HYAL4: variants seen among roughly 807,000 people sequenced by gnomAD.
HYAL4 encodes hyaluronidase-4.
Under a neutral mutation model 35.2 loss-of-function variants are expected in HYAL4, and 37 were observed. The observed-to-expected ratio is 1.05, with a 90% CI of 0.81 to 1.38. The LOEUF (loss-of-function observed/expected upper bound fraction) is 1.38, where lower values mean the gene tolerates loss of function less well. Ranked by LOEUF, HYAL4 falls within the 40% of genes most tolerant of loss-of-function variation. The probability of loss-of-function intolerance (pLI) is 0.00; values close to 1 mark genes in which losing one functional copy is unlikely to be tolerated. For missense variants in HYAL4, 572 were observed against 572.4 expected (o/e 1.00, Z 0.01); for synonymous variants, 198 against 203.2 (o/e 0.97, Z 0.22).
At chr7:123,795,142 C>A in the HYAL4 span, among the ~76,000 whole-genome samples, 6 of 152,198 alleles carry the variant, frequency 3.9e-5, no homozygotes, top group Non-Finnish European at 8.8e-5. Context: ...AGCCTGTAAC[C>A]CCTTAGTTTT....
the HYAL4 span, among the ~76,000 whole-genome samples, chr7:123,777,810 G>A: frequency 6.6e-6 from 1 of 151,854 alleles, no homozygotes; most frequent in Admixed American, 6.6e-5. Context: ...ATGTGCTAAT[G>A]AATAACAGAA....
chr7:123,875,656 CAAAAAAA>C (rs1167401861), intron 4 of HYAL4, among the ~76,000 whole-genome samples: 1 of 62,726 alleles, frequency 1.6e-5, no homozygotes, highest in African/African-American at 6.2e-5. Flanking sequence ...GACTCCATCT[CAAAAAAA>C]AAAAAAAAAG....
intron 2 of HYAL4, among the ~76,000 whole-genome samples, chr7:123,854,697 G>C (rs1806390140): frequency 6.6e-6 from 1 of 152,174 alleles, no homozygotes; most frequent in Admixed American, 6.5e-5. Flanking sequence ...TGTATATTCT[G>C]TTGATTTTGG....
At position 123,832,479 on chromosome 7, in the gene HYAL4, C is replaced by CTTTTTTTTTTT. The variant is rs71163703; in HGVS notation, c.-257+3383_-257+3393dup. 2.4e-3 allele frequency among the ~76,000 whole-genome samples: 52 copies of CTTTTTTTTTTT among 21,838 alleles called. 17 individuals carry two copies. Among genetic ancestry groups the CTTTTTTTTTTT allele is most frequent in the Admixed American group, 3.8e-3 (5 of 1,316 alleles). The allele number at this position is 21,838 out of a possible 152,430, so 14.3% of individuals were successfully genotyped here. ...AGTCCCCAAAGTCTATTGTGTCATA[C>CTTTTTTTTTTT]TTTTTTTTTTTTTTTTTTTTTTTTT... On this transcript the variant is annotated intron_variant, in intron 1 of 4. Coordinates refer to the HYAL4 transcript ENST00000489978.
chr7:123,825,046 A>G (rs1805781618), upstream of HYAL4, among the ~76,000 whole-genome samples: 1 of 152,024 alleles, frequency 6.6e-6, no homozygotes, highest in South Asian at 2.1e-4. Flanking sequence ...AGATGGGTAA[A>G]TGTCTCTAAC....
At chr7:123,778,989 A>G in the HYAL4 span, among the ~76,000 whole-genome samples, 1 of 152,186 alleles carries the variant, frequency 6.6e-6, no homozygotes. Flanking sequence ...TAAAAATGTA[A>G]AACAATGCCA....
At chr7:123,828,399 C>T (rs1254062736), upstream of HYAL4, among the ~76,000 whole-genome samples, 21 of 148,666 alleles carry the variant, frequency 1.4e-4, no homozygotes. Context: ...TTAAAAAGCA[C>T]AAAATAATAC....
chr7:123,849,891 A>G (rs780327966), intron 2 of HYAL4, among the ~76,000 whole-genome samples: 3 of 152,080 alleles, frequency 2.0e-5, no homozygotes, highest in Non-Finnish European at 2.9e-5. Context: ...TTGATTCTCT[A>G]TTTCACCTGT....
intron 3 of HYAL4, among the ~76,000 whole-genome samples, chr7:123,873,826 A>G (rs1043808267): frequency 4.6e-5 from 7 of 152,208 alleles, no homozygotes; most frequent in African/African-American, 1.7e-4. Flanking sequence ...TCTTAACCAT[A>G]TTGCAGAAAA....
At chr7:123,789,344 G>A in the HYAL4 span, among the ~76,000 whole-genome samples, 1 of 152,172 alleles carries the variant, frequency 6.6e-6, no homozygotes, top group Non-Finnish European at 1.5e-5. Context: ...AAGGGTCATT[G>A]AACTATGCCT....
At chr7:123,840,450 G>A (rs1247082926), upstream of HYAL4, among the ~76,000 whole-genome samples, 7 of 152,040 alleles carry the variant, frequency 4.6e-5, no homozygotes, top group Non-Finnish European at 1.0e-4. Context: ...TTTTTGCTTA[G>A]GATTGTCTTG....
the HYAL4 span, among the ~76,000 whole-genome samples, chr7:123,820,042 C>A: frequency 2.0e-5 from 3 of 151,874 alleles, no homozygotes; most frequent in East Asian, 5.9e-4. Context: ...AGGCATGTGC[C>A]ACCATGTCTG....
At chr7:123,803,968 C>G in the HYAL4 span, among the ~76,000 whole-genome samples, 1 of 152,174 alleles carries the variant, frequency 6.6e-6, no homozygotes, top group Non-Finnish European at 1.5e-5. Flanking sequence ...ACTCACATGG[C>G]ATTCTGGGTA....
the HYAL4 span, among the ~76,000 whole-genome samples, chr7:123,798,895 G>T: frequency 6.6e-6 from 1 of 152,150 alleles, no homozygotes; most frequent in African/African-American, 2.4e-5. Context: ...GTCTAGGGGA[G>T]GGAAATAGGA....
At chr7:123,824,056 AT>A (rs1466407210), upstream of HYAL4, among the ~76,000 whole-genome samples, 4 of 152,304 alleles carry the variant, frequency 2.6e-5, no homozygotes, top group East Asian at 7.7e-4. Context: ...GGATGTCAGC[AT>A]TGTTAAGAAC....
intron 2 of HYAL4, among the ~76,000 whole-genome samples, chr7:123,850,242 AT>A (rs1327575251): frequency 6.6e-6 from 1 of 152,012 alleles, no homozygotes; most frequent in Non-Finnish European, 1.5e-5. Context: ...GAATACTTAG[AT>A]TTTTGTTGCT....
the HYAL4 span, among the ~76,000 whole-genome samples, chr7:123,818,733 T>C: frequency 6.6e-6 from 1 of 152,160 alleles, no homozygotes; most frequent in Admixed American, 6.6e-5. Flanking sequence ...AATTCTGGTA[T>C]GGTCTTTTGT....
Position 123,874,850 on chromosome 7 carries a change from GGTAA to G in HYAL4, c.1044+3_1044+6del. 1 of 1,530,410 alleles carries G rather than the reference GGTAA, an allele frequency of 6.5e-7. No homozygotes were observed. Among genetic ancestry groups the G allele is most frequent in the South Asian group, 1.1e-5 (1 of 89,320 alleles). The allele number at this position is 1,530,410 out of a possible 1,614,324, so 94.8% of individuals were successfully genotyped here. A position where few individuals can be genotyped will look rare whatever the true frequency, so the allele number is the denominator to read the frequency against. The stretch of plus-strand genomic sequence containing the variant: ...GAGACATGAATTTAACTGCATCCAA[GGTAA>G]GTCAGTATCTTGAAGGTATATTTAA... On this transcript the variant is annotated splice_donor_variant and splice_donor_region_variant and intron_variant, in intron 4 of 4. Coordinates refer to ENST00000223026, the MANE Select transcript of HYAL4 (RefSeq NM_012269.3). LOFTEE classifies it high-confidence loss of function.
the HYAL4 span, among the ~76,000 whole-genome samples, chr7:123,770,850 AT>A: frequency 6.6e-6 from 1 of 152,184 alleles, no homozygotes; most frequent in South Asian, 2.1e-4. Context: ...TCTGTGTCTT[AT>A]TATGAAGCAA....
Sources: allele counts gnomAD v4.1 joint callset (sites outside exome capture counted in the v4.1 genomes callset), GRCh38; gene constraint gnomAD v4.1.1; transcripts MANE v1.5; gene names NCBI Gene and HGNC (gene_info 2026-07-23, HGNC 2026-07-21).